The following INSL6 variants were observed in gnomAD, a reference collection of about 807,000 sequenced individuals.
The protein encoded by INSL6 is insulin like 6, also known as insulin-like peptide INSL6.
A neutral mutation model predicts 9.4 loss-of-function variants in INSL6; 16 were observed. The observed-to-expected ratio is 1.70, with a 90% CI of 1.15 to 2.59. INSL6 has a LOEUF of 2.59. Ranked by LOEUF, INSL6 falls within the 30% of genes most tolerant of loss-of-function variation. The pLI is 0.00. For synonymous variants in INSL6, 154 were observed against 96.9 expected (o/e 1.59, Z -3.46); for missense variants, 391 against 257.3 (o/e 1.52, Z -3.56).
At chr9:5,167,803 C>T (rs1379949547) in intron 1 of INSL6, among the ~76,000 whole-genome samples, 1 of 152,142 alleles carries the variant, frequency 6.6e-6, no homozygotes, top group African/African-American at 2.4e-5. Flanking sequence ...GGTGAGACCT[C>T]CCAACAGGAG....
At chr9:5,012,812 C>G in the INSL6 span, among the ~76,000 whole-genome samples, 1 of 152,032 alleles carries the variant, frequency 6.6e-6, no homozygotes, top group Non-Finnish European at 1.5e-5. Context: ...GAGAGGTAAG[C>G]AGCAAACAGA....
rs1586884387 is a variant in INSL6, at chr9:5,185,555, C to T, written c.48G>A (p.Leu16=). Residue 16 remains leucine, a synonymous_variant, in exon 1 of 2, where the codon CTG becomes CTA. Coordinates refer to ENST00000381641, the MANE Select transcript of INSL6 (RefSeq NM_007179.3). Reference sequence around the variant, plus strand: ...CGCTCAGTTCACGAGAAAACCGAACCAGCAGGAGTCCAAGCCACAGCAGGG... The same window carrying T: ...CGCTCAGTTCACGAGAAAACCGAACTAGCAGGAGTCCAAGCCACAGCAGGG... ...RLSLLWLGLL[L]VRFSRELSDI... 6.2e-7 allele frequency: 1 copy of T among 1,613,938 alleles called. No individual in the cohort carries two copies. Among genetic ancestry groups the T allele is most frequent in the East Asian group, 2.2e-5 (1 of 44,882 alleles).
Position 5,129,602 on chromosome 9 carries a change from C to G in INSL6, c.*10+3823G>C, listed in dbSNP as rs145436356. On this transcript the variant is annotated intron_variant, in intron 3 of 3. Coordinates refer to the INSL6 transcript ENST00000649639. ...TCAGCAGGATTATCCAAACAAAAGA[C>G]TAGGTTTTATGAGATAAGCTTGATT... Among the ~76,000 whole-genome samples, 156 of 152,028 alleles carry G rather than the reference C, an allele frequency of 1.0e-3. 1 individual carries two copies. The highest frequency in any genetic ancestry group is 3.5e-3 in the African/African-American group (146 of 41,482).
At chr9:5,142,346 C>T (rs1322028620) in intron 2 of INSL6, among the ~76,000 whole-genome samples, 3 of 152,156 alleles carry the variant, frequency 2.0e-5, no homozygotes, top group African/African-American at 7.2e-5. Flanking sequence ...TATCCATGAG[C>T]CTGGAATGTT....
chr9:5,065,626 G>T, the INSL6 span, among the ~76,000 whole-genome samples: 1 of 152,162 alleles, frequency 6.6e-6, no homozygotes, highest in Non-Finnish European at 1.5e-5. Flanking sequence ...CATTTAAATA[G>T]CTACATGTGG....
intron 2 of INSL6, among the ~76,000 whole-genome samples, chr9:5,151,399 T>C: frequency 6.6e-6 from 1 of 152,208 alleles, no homozygotes; most frequent in Non-Finnish European, 1.5e-5. Context: ...ATTAAAAGTA[T>C]ATAAATAAAA....
At chr9:5,065,019 G>T in the INSL6 span, 2 of 1,596,944 alleles carry the variant, frequency 1.3e-6, no homozygotes, top group East Asian at 4.5e-5. Context: ...AATATACAAA[G>T]CAACTGTCAT....
the INSL6 span, among the ~76,000 whole-genome samples, chr9:5,082,598 T>C: frequency 6.6e-6 from 1 of 152,248 alleles, no homozygotes; most frequent in East Asian, 1.9e-4. Context: ...GATGTTGGGC[T>C]GGGGGACGGT....
the INSL6 span, chr9:5,069,876 A>T: frequency 7.7e-7 from 1 of 1,296,120 alleles, no homozygotes; most frequent in Non-Finnish European, 1.1e-6. Context: ...GGAGCAATTC[A>T]TACTTTCAGT....
chr9:5,100,535 A>C, the INSL6 span: 4 of 152,238 alleles, frequency 2.6e-5, no homozygotes, highest in Non-Finnish European at 4.4e-5. Context: ...TCTTCTGGGC[A>C]TTCTATCACT....
chr9:5,016,069 G>A, the INSL6 span, among the ~76,000 whole-genome samples: 703 of 152,240 alleles, frequency 4.6e-3, 6 homozygotes, highest in African/African-American at 0.016. Context: ...ACTAGAGGCA[G>A]GTCCAGGATG....
At chr9:5,084,304 T>G in the INSL6 span, among the ~76,000 whole-genome samples, 1 of 152,164 alleles carries the variant, frequency 6.6e-6, no homozygotes, top group Non-Finnish European at 1.5e-5. Context: ...TTTGTTTGTT[T>G]GAAGTAATTG....
intron 3 of INSL6, among the ~76,000 whole-genome samples, chr9:5,132,588 T>C (rs1488806232): frequency 6.6e-6 from 1 of 152,094 alleles, no homozygotes; most frequent in Admixed American, 6.6e-5. Context: ...TGCATACCAC[T>C]TCAGACTTTT....
the INSL6 span, among the ~76,000 whole-genome samples, chr9:5,027,044 G>A: frequency 3.9e-5 from 6 of 152,192 alleles, no homozygotes; most frequent in African/African-American, 1.4e-4. Flanking sequence ...AACTCCTTCT[G>A]TGCAACCACA....
intron 3 of INSL6, chr9:5,131,892 A>G (rs144289958): frequency 6.6e-6 from 1 of 152,140 alleles, no homozygotes; most frequent in Non-Finnish European, 1.5e-5. Flanking sequence ...AAATAATAGT[A>G]TTTCCCACAA....
intron 1 of INSL6, 127 bp downstream of exon 1, chr9:5,185,183 TACAA>T: frequency 1.7e-6 from 2 of 1,161,850 alleles, no homozygotes; most frequent in Admixed American, 4.2e-5. Flanking sequence ...CACTGTTTTT[TACAA>T]TTTTTTAAAG....
the INSL6 span, among the ~76,000 whole-genome samples, chr9:5,011,766 T>A: frequency 6.6e-6 from 1 of 152,322 alleles, no homozygotes; most frequent in Non-Finnish European, 1.5e-5. Flanking sequence ...TGAGTTTTGT[T>A]CTAGCAGGCA....
At chr9:5,014,164 C>CTT in the INSL6 span, among the ~76,000 whole-genome samples, 23 of 117,524 alleles carry the variant, frequency 2.0e-4, no homozygotes, top group African/African-American at 3.7e-4. Flanking sequence ...TTTACTCTTT[C>CTT]TTTTTTTTTT....
chr9:5,109,407 A>G, the INSL6 span: 1 of 152,172 alleles, frequency 6.6e-6, no homozygotes, highest in Non-Finnish European at 1.5e-5. Flanking sequence ...CATGCCTAAC[A>G]ATATGGCTTT....
Sources: gnomAD v4.1 joint callset for allele counts (sites outside exome capture counted in the v4.1 genomes callset) on GRCh38, gnomAD v4.1.1 for gene constraint, MANE v1.5 for transcripts, NCBI Gene and HGNC (gene_info 2026-07-23, HGNC 2026-07-21) for gene names.